Variants in PLEKHG4B observed in about 807,000 individuals in gnomAD.
PLEKHG4B encodes pleckstrin homology and RhoGEF domain containing G4B.
A neutral mutation model predicts 121.3 loss-of-function variants in PLEKHG4B; 111 were observed. The observed-to-expected ratio is 0.92, with a 90% CI of 0.78 to 1.07. PLEKHG4B has a LOEUF of 1.07. Among genes scored for constraint, PLEKHG4B ranks in the 50% least tolerant of loss-of-function variants. The probability of loss-of-function intolerance (pLI) is 0.00; values close to 1 mark genes in which losing one functional copy is unlikely to be tolerated. For missense variants in PLEKHG4B, 1,831 were observed against 1,757.8 expected (o/e 1.04, Z -0.74); for synonymous variants, 738 against 725.0 (o/e 1.02, Z -0.29).
intron 1 of PLEKHG4B, among the ~76,000 whole-genome samples, chr5:99,641 A>G (rs1210656920): frequency 1.3e-5 from 2 of 151,924 alleles, no homozygotes; most frequent in Non-Finnish European, 2.9e-5. Context: ...CTTTTTGTGG[A>G]TGTTTTATAT....
At chr5:127,083 G>A (rs920719090) in intron 2 of PLEKHG4B, among the ~76,000 whole-genome samples, 3 of 152,144 alleles carry the variant, frequency 2.0e-5, no homozygotes, top group East Asian at 1.9e-4. Flanking sequence ...AAGGGAAGAC[G>A]GAGCTGCCAT....
At chr5:99,805 T>C (rs1377464470) in intron 1 of PLEKHG4B, among the ~76,000 whole-genome samples, 1 of 152,136 alleles carries the variant, frequency 6.6e-6, no homozygotes, top group Admixed American at 6.5e-5. Flanking sequence ...TATTTTGTTC[T>C]TAATCTTGGG....
At chr5:128,575 T>C (rs1041055071) in intron 2 of PLEKHG4B, among the ~76,000 whole-genome samples, 1 of 152,218 alleles carries the variant, frequency 6.6e-6, no homozygotes, top group Admixed American at 6.5e-5. Context: ...CACAGCTGCC[T>C]GCGGGGCTGG....
At chr5:173,160 T>G in intron 17 of PLEKHG4B, 93 bp downstream of exon 17, 1 of 1,277,652 alleles carries the variant, frequency 7.8e-7, no homozygotes, top group East Asian at 2.3e-5. Context: ...GCAGAGGAAC[T>G]GGGAGGGAGT....
intron 6 of PLEKHG4B, among the ~76,000 whole-genome samples, chr5:145,290 C>A (rs987902158): frequency 6.6e-6 from 1 of 152,226 alleles, no homozygotes; most frequent in East Asian, 1.9e-4. Context: ...CCCGCTATGC[C>A]CCTCTGTCAG....
intron 2 of PLEKHG4B, among the ~76,000 whole-genome samples, chr5:118,063 C>G (rs887337848): frequency 2.6e-5 from 4 of 151,924 alleles, no homozygotes; most frequent in African/African-American, 9.7e-5. Flanking sequence ...AATAATAGAC[C>G]AGCAACATTC....
intron 2 of PLEKHG4B, among the ~76,000 whole-genome samples, chr5:114,917 G>A (rs1365134120): frequency 3.3e-5 from 5 of 152,094 alleles, no homozygotes; most frequent in African/African-American, 1.2e-4. Flanking sequence ...TCATCCATGA[G>A]GGTTGGAATC....
chr5:123,969 T>A (rs1734538844), intron 2 of PLEKHG4B, among the ~76,000 whole-genome samples: 1 of 152,228 alleles, frequency 6.6e-6, no homozygotes, highest in African/African-American at 2.4e-5. Context: ...GATCTTTACT[T>A]TTTAAAAATG....
chr5:162,497 C>T lies in PLEKHG4B; in HGVS notation c.2650-225C>T, dbSNP rs183390065. Among the ~76,000 whole-genome samples, 544 of 152,362 alleles carry T rather than the reference C, an allele frequency of 3.6e-3. 4 individuals carry two copies. The highest frequency in any genetic ancestry group is 0.024 in the Middle Eastern group (7 of 294). On this transcript the variant is annotated intron_variant, in intron 12 of 19. Coordinates refer to ENST00000637938, the MANE Select transcript of PLEKHG4B (RefSeq NM_052909.5). ...TCACGTGGTCCTAGGACATCCCCCACGGTGCCCTCTGGCATGGCGAACAGA... is the reference window on the plus strand; with the variant it reads ...TCACGTGGTCCTAGGACATCCCCCATGGTGCCCTCTGGCATGGCGAACAGA...
At chr5:130,261 C>T (rs1734740455) in intron 2 of PLEKHG4B, among the ~76,000 whole-genome samples, 2 of 151,946 alleles carry the variant, frequency 1.3e-5, no homozygotes, top group Non-Finnish European at 2.9e-5. Flanking sequence ...TTGCTGAGGG[C>T]TTATAAAAAT....
At chr5:162,576 C>T (rs1443390231) in intron 12 of PLEKHG4B, 146 bp from the exon 13 acceptor site, 4 of 554,300 alleles carry the variant, frequency 7.2e-6, no homozygotes, top group Non-Finnish European at 1.1e-5. Context: ...CGGCCACAGC[C>T]CCCACTGGGT....
chr5:171,173 T>G, intron 15 of PLEKHG4B, 41 bp downstream of exon 15: 1 of 1,605,874 alleles, frequency 6.2e-7, no homozygotes, highest in East Asian at 2.2e-5. Flanking sequence ...TGCCCGGCCC[T>G]CAGCCAGGCC....
intron 2 of PLEKHG4B, among the ~76,000 whole-genome samples, chr5:114,021 A>G (rs562067291): frequency 2.0e-5 from 3 of 152,362 alleles, no homozygotes; most frequent in East Asian, 3.9e-4. Flanking sequence ...CGTTTACACT[A>G]TAGTCTAAGT....
intron 12 of PLEKHG4B, 116 bp from the exon 13 acceptor site, chr5:162,606 C>G: frequency 2.6e-6 from 2 of 762,944 alleles, no homozygotes; most frequent in Non-Finnish European, 3.7e-6. Context: ...GCCTCTCGCT[C>G]TGCTTTCTGG....
rs575863476 is a variant in PLEKHG4B, at chr5:139,279, C to A, written c.244-204C>A. On this transcript the variant is annotated intron_variant, in intron 2 of 19. Coordinates refer to ENST00000637938, the MANE Select transcript of PLEKHG4B (RefSeq NM_052909.5). This position sits in a 1 kb window ranked among gnomAD's most constrained non-coding sequence, Gnocchi z 5.0. ...GCTATACAATTGCTTTTTTAACTGACCCCTGAACCAAAGAGCAGCCCGTGT... is the reference window on the plus strand; with the variant it reads ...GCTATACAATTGCTTTTTTAACTGAACCCTGAACCAAAGAGCAGCCCGTGT... 6.6e-6 allele frequency among the ~76,000 whole-genome samples: 1 copy of A among 152,220 alleles called. No homozygotes were observed. Among genetic ancestry groups the A allele is most frequent in the Non-Finnish European group, 1.5e-5 (1 of 68,020 alleles).
At chr5:98,837 C>CTTTTTTT (rs925964165) in intron 1 of PLEKHG4B, among the ~76,000 whole-genome samples, 1,405 of 79,218 alleles carry the variant, frequency 0.018, 75 homozygotes, top group African/African-American at 0.033. Flanking sequence ...TTGAATTTTC[C>CTTTTTTT]TTTTTTTTTT....
chr5:103,830 A>G (rs1337813935), intron 1 of PLEKHG4B, among the ~76,000 whole-genome samples: 1 of 152,164 alleles, frequency 6.6e-6, no homozygotes, highest in Non-Finnish European at 1.5e-5. Context: ...ATCTGACTGT[A>G]TTTTTGTACC....
At chr5:179,527 C>T (rs1345396384) in intron 18 of PLEKHG4B, 1 of 152,686 alleles carries the variant, frequency 6.5e-6, no homozygotes, top group East Asian at 1.9e-4. Context: ...TGTGAACCAC[C>T]TGATGCTTCT....
chr5:112,984 T>A (rs1427920098), intron 1 of PLEKHG4B, among the ~76,000 whole-genome samples: 1 of 152,078 alleles, frequency 6.6e-6, no homozygotes, highest in Non-Finnish European at 1.5e-5. Flanking sequence ...ATAGAGGTGG[T>A]ATATAGAGCC....
Sources: allele counts gnomAD v4.1 joint callset (sites outside exome capture counted in the v4.1 genomes callset), GRCh38; gene constraint gnomAD v4.1.1; non-coding constraint Gnocchi (gnomAD v3.1); transcripts MANE v1.5; gene names NCBI Gene and HGNC (gene_info 2026-07-23, HGNC 2026-07-21).